RBFOX2: variants seen among roughly 807,000 people sequenced by gnomAD.
RBFOX2 encodes the protein RNA binding fox-1 homolog 2.
In RBFOX2, 10 loss-of-function variants were observed where a neutral mutation model predicts 49.1. The ratio of observed to expected loss-of-function variants is 0.20; its 90% CI spans 0.13 to 0.35. The LOEUF (loss-of-function observed/expected upper bound fraction) is 0.35. Ranked by LOEUF, RBFOX2 falls within the 10% of genes least tolerant of loss-of-function variation. The pLI, the probability that RBFOX2 is intolerant of heterozygous loss-of-function variation, is 1.00. For synonymous variants in RBFOX2, 183 were observed against 187.4 expected (o/e 0.98, Z 0.19); for missense variants, 323 against 486.9 (o/e 0.66, Z 3.17).
chr22:35,980,050 C>T lies in RBFOX2; in HGVS notation c.187-41153G>A, dbSNP rs61349147. ...ATAAACTAGTAAAGGGTTACTGGCG[C>T]TATGGTTTGCCTTTACTTGTACAGG... On this transcript the variant is annotated intron_variant, in intron 1 of 13. Transcript: ENST00000438146. Among the ~76,000 whole-genome samples, 539 of 152,256 alleles carry T rather than the reference C, an allele frequency of 3.5e-3. 1 individual carries two copies. Among genetic ancestry groups the T allele is most frequent in the African/African-American group, 0.012 (479 of 41,556 alleles).
chr22:35,803,076 G>A (rs1009923335), intron 2 of RBFOX2, among the ~76,000 whole-genome samples: 1 of 151,612 alleles, frequency 6.6e-6, no homozygotes, highest in African/African-American at 2.4e-5. Flanking sequence ...AAATCAATAA[G>A]CAGAAACACT....
At chr22:35,803,357 G>A (rs1055138764) in intron 2 of RBFOX2, among the ~76,000 whole-genome samples, 7 of 152,146 alleles carry the variant, frequency 4.6e-5, no homozygotes, top group Non-Finnish European at 1.0e-4. Flanking sequence ...AGCAGACAAC[G>A]TTAAAGCAGT....
intron 1 of RBFOX2, among the ~76,000 whole-genome samples, chr22:35,922,028 A>G (rs989534686): frequency 6.6e-6 from 1 of 152,170 alleles, no homozygotes; most frequent in Admixed American, 6.6e-5. Context: ...TCCTAAGCCC[A>G]TATGTAGGCA....
At chr22:36,002,778 TA>T (rs1433746377) in intron 1 of RBFOX2, among the ~76,000 whole-genome samples, 5 of 152,322 alleles carry the variant, frequency 3.3e-5, no homozygotes, top group Admixed American at 1.3e-4. Flanking sequence ...CATGTGCCAC[TA>T]CACCCAGCTA....
chr22:35,802,015 A>G (rs1375455074), intron 2 of RBFOX2, among the ~76,000 whole-genome samples: 1 of 152,174 alleles, frequency 6.6e-6, no homozygotes, highest in Non-Finnish European at 1.5e-5. Context: ...CGATAAACTT[A>G]TACTCTATAC....
At chr22:35,860,354 T>C (rs1475696884) in intron 1 of RBFOX2, among the ~76,000 whole-genome samples, 2 of 152,198 alleles carry the variant, frequency 1.3e-5, no homozygotes, top group Admixed American at 1.3e-4. Flanking sequence ...TCAACTAACC[T>C]GCCAACTGCC....
intron 1 of RBFOX2, among the ~76,000 whole-genome samples, chr22:36,012,949 A>G (rs1409443795): frequency 3.3e-5 from 5 of 151,978 alleles, no homozygotes; most frequent in African/African-American, 1.2e-4. Flanking sequence ...TATTTTTAGT[A>G]GAGATGGGGT....
At chr22:36,020,618 T>G (rs1435906873) in intron 1 of RBFOX2, among the ~76,000 whole-genome samples, 6 of 151,948 alleles carry the variant, frequency 3.9e-5, no homozygotes, top group Non-Finnish European at 7.4e-5. Flanking sequence ...CAAAAGAAAT[T>G]TACGCAGCCA....
intron 2 of RBFOX2, among the ~76,000 whole-genome samples, chr22:35,792,472 G>T (rs1354658143): frequency 6.6e-6 from 1 of 151,964 alleles, no homozygotes; most frequent in Non-Finnish European, 1.5e-5. Flanking sequence ...TTTTATATCA[G>T]ATTTCAAATC....
chr22:35,933,915 A>G (rs2052711060), intron 1 of RBFOX2, among the ~76,000 whole-genome samples: 1 of 133,114 alleles, frequency 7.5e-6, no homozygotes, highest in Non-Finnish European at 1.5e-5. Flanking sequence ...TTATAATTAT[A>G]TAATTAAATG....
intron 2 of RBFOX2, among the ~76,000 whole-genome samples, chr22:35,808,985 C>G (rs186966146): frequency 6.6e-6 from 1 of 150,536 alleles, no homozygotes; most frequent in Non-Finnish European, 1.5e-5. Context: ...AAACCAAGTA[C>G]GGAGTTCAGA....
intron 2 of RBFOX2, among the ~76,000 whole-genome samples, chr22:35,790,795 C>T (rs140142483): frequency 8.9e-4 from 135 of 152,110 alleles, no homozygotes; most frequent in African/African-American, 3.2e-3. Context: ...TCTAGGAGGC[C>T]CAGGAGTTCG....
At chr22:35,964,296 CTT>C (rs1355593982), upstream of RBFOX2, among the ~76,000 whole-genome samples, 2 of 152,170 alleles carry the variant, frequency 1.3e-5, no homozygotes, top group African/African-American at 4.8e-5. Flanking sequence ...ATATAGGACA[CTT>C]GACATCAAGG....
At chr22:35,788,397 C>A (rs1358293863) in intron 2 of RBFOX2, among the ~76,000 whole-genome samples, 1 of 152,092 alleles carries the variant, frequency 6.6e-6, no homozygotes, top group African/African-American at 2.4e-5. Context: ...CCTCTTCCCC[C>A]CCGTCCCCCA....
At chr22:35,916,004 T>C (rs2050366379) in intron 1 of RBFOX2, among the ~76,000 whole-genome samples, 1 of 152,238 alleles carries the variant, frequency 6.6e-6, no homozygotes, top group African/African-American at 2.4e-5. Flanking sequence ...ATCTAAATCA[T>C]GTTACTAATG....
intron 9 of RBFOX2, among the ~76,000 whole-genome samples, chr22:35,753,472 T>C (rs1222270818): frequency 6.6e-6 from 1 of 152,212 alleles, no homozygotes; most frequent in Admixed American, 6.5e-5. Flanking sequence ...AACCTTTTTT[T>C]CTCTAAGTAA....
At chr22:35,968,930 A>G (rs1359149402) in intron 1 of RBFOX2, among the ~76,000 whole-genome samples, 2 of 152,196 alleles carry the variant, frequency 1.3e-5, no homozygotes, top group Non-Finnish European at 2.9e-5. Context: ...TACTGTCTCC[A>G]CCGGCAATCT....
intron 1 of RBFOX2, among the ~76,000 whole-genome samples, chr22:35,911,742 T>G (rs2049857497): frequency 6.6e-6 from 1 of 152,180 alleles, no homozygotes; most frequent in South Asian, 2.1e-4. Flanking sequence ...TTTTAGAAGG[T>G]ATAAGTACCT....
chr22:35,871,620 T>C (rs1018779892), intron 1 of RBFOX2, among the ~76,000 whole-genome samples: 12 of 152,174 alleles, frequency 7.9e-5, no homozygotes, highest in African/African-American at 2.9e-4. Flanking sequence ...TGACAAGGCA[T>C]GGTCTCACTT....
Sources: gnomAD v4.1 joint callset for allele counts (sites outside exome capture counted in the v4.1 genomes callset) on GRCh38, gnomAD v4.1.1 for gene constraint, MANE v1.5 for transcripts, NCBI Gene and HGNC (gene_info 2026-07-23, HGNC 2026-07-21) for gene names.